LUZP2: variants seen among roughly 807,000 people sequenced by gnomAD.
LUZP2 encodes leucine zipper protein 2.
LUZP2 carries 52 observed loss-of-function variants against 51.6 expected under a neutral mutation model. That is an observed-to-expected ratio of 1.01 (90% CI 0.81 to 1.27). LUZP2 has a LOEUF of 1.27. Among genes scored for constraint, LUZP2 ranks in the 50% most tolerant of loss-of-function variants. The probability of loss-of-function intolerance (pLI) is 0.00; values close to 1 mark genes in which losing one functional copy is unlikely to be tolerated. For synonymous variants in LUZP2, 154 were observed against 137.3 expected (o/e 1.12, Z -0.85); for missense variants, 436 against 395.4 (o/e 1.10, Z -0.87).
At chr11:24,949,197 A>G (rs1854999724) in intron 7 of LUZP2, among the ~76,000 whole-genome samples, 1 of 151,068 alleles carries the variant, frequency 6.6e-6, no homozygotes. Flanking sequence ...CCTCTTTTCC[A>G]CTCTTTGTTT....
intron 1 of LUZP2, among the ~76,000 whole-genome samples, chr11:24,596,290 A>G (rs1192938548): frequency 6.6e-6 from 1 of 152,212 alleles, no homozygotes; most frequent in African/African-American, 2.4e-5. Context: ...ACAAATACTC[A>G]TAGATAAGAA....
At chr11:24,840,234 C>T (rs1590623195) in intron 5 of LUZP2, among the ~76,000 whole-genome samples, 1 of 151,684 alleles carries the variant, frequency 6.6e-6, no homozygotes, top group Non-Finnish European at 1.5e-5. Flanking sequence ...TATGTCTATA[C>T]CTTCCACGCT....
At chr11:24,961,643 C>A (rs1320105928) in intron 7 of LUZP2, among the ~76,000 whole-genome samples, 1 of 152,082 alleles carries the variant, frequency 6.6e-6, no homozygotes, top group African/African-American at 2.4e-5. Context: ...GTGTGTGTCT[C>A]TGCATGTGAG....
chr11:24,707,909 G>C (rs922934824), intron 1 of LUZP2, among the ~76,000 whole-genome samples: 3 of 152,160 alleles, frequency 2.0e-5, no homozygotes, highest in African/African-American at 7.2e-5. Flanking sequence ...AGGGGAAGGG[G>C]TTCTTATCTC....
chr11:24,570,079 C>T (rs1852384718), intron 1 of LUZP2, among the ~76,000 whole-genome samples: 1 of 151,946 alleles, frequency 6.6e-6, no homozygotes, highest in Non-Finnish European at 1.5e-5. Flanking sequence ...ATGAACATAA[C>T]CTTTTTTGTA....
At chr11:24,846,140 GA>G (rs958468627) in intron 5 of LUZP2, among the ~76,000 whole-genome samples, 19 of 135,410 alleles carry the variant, frequency 1.4e-4, no homozygotes, top group African/African-American at 3.0e-4. Flanking sequence ...GGATACAAAA[GA>G]AAAAAAAAAC....
At chr11:24,688,200 C>T (rs1362920276) in intron 1 of LUZP2, among the ~76,000 whole-genome samples, 1 of 152,190 alleles carries the variant, frequency 6.6e-6, no homozygotes, top group African/African-American at 2.4e-5. Context: ...GTGTCACATA[C>T]TGTCTTACAC....
rs561522831 is a variant in LUZP2 at position 24,535,530 on chromosome 11, A to G, written c.62+38225A>G. 4.0e-5 allele frequency among the ~76,000 whole-genome samples: 6 copies of G among 151,762 alleles called. No individual in the cohort carries two copies. In the East Asian group the frequency reaches 1.2e-3, roughly 29 times the overall value. On this transcript the variant is annotated intron_variant, in intron 1 of 11. Coordinates refer to ENST00000336930, the MANE Select transcript of LUZP2 (RefSeq NM_001009909.4). ...CCAGGAGTAGATTCCATCTCAAGAA[A>G]TGACTTGCTTTGCTCATATATCAGA...
rs185934879 is a variant in LUZP2, at chr11:24,640,666, A to G, written c.63-88503A>G. On this transcript the variant is annotated intron_variant, in intron 1 of 11. Coordinates refer to ENST00000336930, the MANE Select transcript of LUZP2 (RefSeq NM_001009909.4). ...GTGTAAAAGCATGTTAGAAAATGGT[A>G]GGATTGCCAGCTCATATTAAAATTC... 6.1e-4 allele frequency among the ~76,000 whole-genome samples: 92 copies of G among 152,064 alleles called. 1 individual carries two copies. Among genetic ancestry groups the G allele is most frequent in the African/African-American group, 2.2e-3 (90 of 41,324 alleles).
intron 5 of LUZP2, among the ~76,000 whole-genome samples, chr11:24,834,697 T>A (rs1016741570): frequency 2.1e-5 from 2 of 96,806 alleles, no homozygotes; most frequent in Non-Finnish European, 5.2e-5. Context: ...TTGAACTAAT[T>A]TGCACTCCCA....
chr11:25,014,459 G>A (rs1317734691), intron 9 of LUZP2, among the ~76,000 whole-genome samples: 1 of 152,094 alleles, frequency 6.6e-6, no homozygotes, highest in East Asian at 1.9e-4. Flanking sequence ...GTGTGAGATG[G>A]TATCTCATTG....
chr11:24,995,977 T>G (rs181838971), intron 9 of LUZP2, among the ~76,000 whole-genome samples: 1 of 151,738 alleles, frequency 6.6e-6, no homozygotes, highest in African/African-American at 2.4e-5. Flanking sequence ...TTTTGTATAA[T>G]TCATTTTTAT....
chr11:24,882,585 A>AC (rs1852506838), intron 5 of LUZP2, among the ~76,000 whole-genome samples: 2 of 152,066 alleles, frequency 1.3e-5, no homozygotes, highest in East Asian at 3.8e-4. Flanking sequence ...CACTAACATA[A>AC]AATTCCTTGC....
Position 24,646,867 on chromosome 11 carries a change from G to T in LUZP2, c.63-82302G>T, listed in dbSNP as rs567425478. Among the ~76,000 whole-genome samples, 4 of 152,120 alleles carry T rather than the reference G, an allele frequency of 2.6e-5. No individual in the cohort carries two copies. The South Asian group carries it at 8.3e-4, about 32-fold the overall frequency. The stretch of plus-strand genomic sequence containing the variant: ...TTTTAGTGCATGCCAGTCATCATGG[G>T]AAATGAAAGTATTTTATTAGACTTG... On this transcript the variant is annotated intron_variant, in intron 1 of 11. Coordinates refer to ENST00000336930, the MANE Select transcript of LUZP2 (RefSeq NM_001009909.4).
intron 1 of LUZP2, among the ~76,000 whole-genome samples, chr11:24,605,584 A>G (rs1017102761): frequency 6.6e-6 from 1 of 151,828 alleles, no homozygotes; most frequent in African/African-American, 2.4e-5. Context: ...ATGGACATTG[A>G]TAATTTTCTT....
chr11:24,808,724 T>G lies in LUZP2; in HGVS notation c.396+45416T>G, dbSNP rs895627167. On this transcript the variant is annotated intron_variant, in intron 5 of 11. Coordinates refer to ENST00000336930, the MANE Select transcript of LUZP2 (RefSeq NM_001009909.4). ...GCACTACTCAACATGTAGTTAAATATCTATAGTCCTTAACCCTTGGTGTAC... is the reference window on the plus strand; with the variant it reads ...GCACTACTCAACATGTAGTTAAATAGCTATAGTCCTTAACCCTTGGTGTAC... Among the ~76,000 whole-genome samples the G allele has an allele frequency of 1.4e-4, 22 of 152,186 alleles. 1 individual carries two copies. The highest frequency in any genetic ancestry group is 7.9e-4 in the Admixed American group (12 of 15,268).
intron 1 of LUZP2, among the ~76,000 whole-genome samples, chr11:24,595,664 A>G (rs1853418974): frequency 6.6e-6 from 1 of 152,222 alleles, no homozygotes. Flanking sequence ...GCAAGATCAT[A>G]GCTATTTATA....
intron 1 of LUZP2, among the ~76,000 whole-genome samples, chr11:24,604,420 A>G (rs1426707662): frequency 1.3e-5 from 2 of 151,874 alleles, no homozygotes; most frequent in Non-Finnish European, 2.9e-5. Context: ...GAGAGCTTCA[A>G]GATATAATGA....
chr11:24,721,827 G>A (rs1220792160), intron 1 of LUZP2, among the ~76,000 whole-genome samples: 3 of 152,100 alleles, frequency 2.0e-5, no homozygotes, highest in African/African-American at 4.8e-5. Context: ...CCGTGAATAA[G>A]TAAGACAATC....
Sources: allele counts gnomAD v4.1 joint callset (sites outside exome capture counted in the v4.1 genomes callset), GRCh38; gene constraint gnomAD v4.1.1; transcripts MANE v1.5; gene names NCBI Gene and HGNC (gene_info 2026-07-23, HGNC 2026-07-21).